The following EP400 variants were observed in gnomAD, a reference collection of about 807,000 sequenced individuals.
The protein encoded by EP400 is E1A binding protein p400, also known as E1A-binding protein p400.
In EP400, 105 loss-of-function variants were observed where a neutral mutation model predicts 354.1. The observed-to-expected ratio is 0.30, with a 90% CI of 0.25 to 0.35. The LOEUF is 0.35. Among genes scored for constraint, EP400 ranks in the 10% least tolerant of loss-of-function variants. The probability of loss-of-function intolerance (pLI) is 1.00; values close to 1 mark genes in which losing one functional copy is unlikely to be tolerated. For synonymous variants in EP400, 1,646 were observed against 1,716.9 expected (o/e 0.96, Z 1.02); for missense variants, 3,280 against 4,121.0 (o/e 0.80, Z 5.59).
At position 132,013,399 on chromosome 12, in the gene EP400, G is replaced by T. The variant is rs1893827024; in HGVS notation, c.3612-91G>T. The T allele has an allele frequency of 6.8e-7, 1 of 1,475,800 alleles. No individual in the cohort carries two copies. 91.4% of individuals were successfully genotyped at this position (1,475,800 alleles called of 1,614,324 possible). On this transcript the variant is annotated intron_variant, in intron 17 of 52. Coordinates refer to ENST00000389561, the MANE Select transcript of EP400 (RefSeq NM_015409.5). This position sits in a 1 kb window ranked among gnomAD's most constrained non-coding sequence, Gnocchi z 4.5. ...TTGACATTTGCGGTGTCAAATTACT[G>T]TCCCTTTTCTCACACATTGTCAGAG... is the stretch of plus-strand genomic sequence containing the variant.
intron 15 of EP400, among the ~76,000 whole-genome samples, chr12:132,010,985 A>G (rs1284990202): frequency 5.3e-5 from 8 of 152,210 alleles, no homozygotes; most frequent in African/African-American, 1.9e-4. Context: ...GAAATTTGAA[A>G]CAACATATTT....
Position 132,013,558 on chromosome 12 carries a change from A to G in EP400, c.3680A>G (p.His1227Arg), listed in dbSNP as rs1893832080. 1 of 1,613,070 alleles carries G rather than the reference A, an allele frequency of 6.2e-7. No homozygotes were observed. Among genetic ancestry groups the G allele is most frequent in the Admixed American group, 1.7e-5 (1 of 59,824 alleles). Residue 1227 changes from histidine to arginine, a missense_variant, in exon 18 of 53, where the codon CAC (histidine) becomes CGC (arginine). Around this residue, in one of 20 missense-constraint regions of EP400, gnomAD observed 242 missense variants for 357.9 expected, o/e 0.68. Transcript: ENST00000389561. The surrounding 1 kb of genome is among the most constrained non-coding windows in gnomAD (Gnocchi z 4.5). Reference protein sequence around the residue: ...NTFLELWTMVHFLVPGISRPY... With the variant: ...NTFLELWTMVRFLVPGISRPY... ...TTCCTGGAGCTCTGGACCATGGTGC[A>G]CTTCCTGGTCCCAGGGATCTCCAGG...
intron 2 of EP400, among the ~76,000 whole-genome samples, chr12:131,973,659 A>T (rs956935240): frequency 2.0e-5 from 3 of 152,190 alleles, no homozygotes; most frequent in Non-Finnish European, 4.4e-5. Flanking sequence ...AATAAGACAG[A>T]GTTTCAGGAT....
At chr12:132,056,643 A>G (rs1021119075) in intron 45 of EP400, among the ~76,000 whole-genome samples, 6 of 152,208 alleles carry the variant, frequency 3.9e-5, no homozygotes, top group Admixed American at 1.3e-4. Flanking sequence ...CTGTAAGCCA[A>G]AACAGTAGCA....
chr12:132,066,676 TA>T, intron 48 of EP400, 97 bp from the exon 49 acceptor site: 1 of 1,293,386 alleles, frequency 7.7e-7, no homozygotes, highest in Non-Finnish European at 1.1e-6. Flanking sequence ...TTGATCTTTG[TA>T]AATTTTCTCA....
intron 30 of EP400, among the ~76,000 whole-genome samples, chr12:132,034,072 C>CT (rs969159965): frequency 4.6e-5 from 7 of 151,936 alleles, no homozygotes; most frequent in African/African-American, 1.4e-4. Flanking sequence ...CTTTTGTAAA[C>CT]TTTTTTTTTC....
chr12:132,034,358 C>A (rs1284016703), intron 30 of EP400, among the ~76,000 whole-genome samples: 1 of 152,196 alleles, frequency 6.6e-6, no homozygotes, highest in African/African-American at 2.4e-5. Context: ...ACACTTTGTT[C>A]TCGAGTGGGT....
At chr12:132,019,865 C>T (rs896735883) in intron 21 of EP400, among the ~76,000 whole-genome samples, 184 bp from the exon 22 acceptor site, 1 of 152,136 alleles carries the variant, frequency 6.6e-6, no homozygotes, top group Non-Finnish European at 1.5e-5. Context: ...CGCCCGGGCC[C>T]GGGGTGAGCT....
At chr12:132,009,830 ATT>A (rs35513772) in intron 15 of EP400, among the ~76,000 whole-genome samples, 8 of 79,720 alleles carry the variant, frequency 1.0e-4, no homozygotes, top group African/African-American at 1.9e-4. Context: ...CGCCTGGCTA[ATT>A]TTTTTTTTTT....
chr12:132,014,839 C>T (rs1052644708), intron 19 of EP400, among the ~76,000 whole-genome samples: 2 of 152,184 alleles, frequency 1.3e-5, no homozygotes, highest in African/African-American at 4.8e-5. Flanking sequence ...GCCAGGTGAT[C>T]GTATGAGTGC....
chr12:131,973,463 A>G (rs759926039), intron 2 of EP400, among the ~76,000 whole-genome samples: 1 of 152,138 alleles, frequency 6.6e-6, no homozygotes, highest in African/African-American at 2.4e-5. Flanking sequence ...CCAACATGGC[A>G]AAACCCCATC....
chr12:132,001,989 T>C (rs1893432185), intron 12 of EP400, among the ~76,000 whole-genome samples: 1 of 152,244 alleles, frequency 6.6e-6, no homozygotes, highest in Non-Finnish European at 1.5e-5. Flanking sequence ...GCCCTCGGTC[T>C]CTTGCCTCGG....
At chr12:131,960,089 G>A (rs981260040) in intron 1 of EP400, among the ~76,000 whole-genome samples, 1 of 152,226 alleles carries the variant, frequency 6.6e-6, no homozygotes, top group African/African-American at 2.4e-5. Flanking sequence ...TGGGAGCAGG[G>A]AGTTGTCCCT....
chr12:132,060,743 C>T (rs1449588667), intron 45 of EP400, among the ~76,000 whole-genome samples: 1 of 151,980 alleles, frequency 6.6e-6, no homozygotes, highest in African/African-American at 2.4e-5. Flanking sequence ...GGAGAAACCC[C>T]ATCTCTACCA....
chr12:131,958,807 C>T (rs567225154), intron 1 of EP400, among the ~76,000 whole-genome samples: 1 of 152,334 alleles, frequency 6.6e-6, no homozygotes, highest in African/African-American at 2.4e-5. Flanking sequence ...AGGTGTGAGC[C>T]ACCATGCCTG....
intron 50 of EP400, chr12:132,069,225 G>C (rs1433200467): frequency 2.3e-6 from 1 of 432,810 alleles, no homozygotes; most frequent in African/African-American, 2.0e-5. Context: ...CGACTATTCA[G>C]GGAGCAGTGT....
rs1365597120 is a variant in EP400 at position 132,029,622 on chromosome 12, C to G, written c.5382-79C>G. 18 of 1,473,460 alleles carry G rather than the reference C, an allele frequency of 1.2e-5. No individual in the cohort carries two copies. The highest frequency in any genetic ancestry group is 2.8e-5 in the African/African-American group (2 of 71,898). The allele number at this position is 1,473,460 out of a possible 1,614,324, so 91.3% of individuals were successfully genotyped here. A position where few individuals can be genotyped will look rare whatever the true frequency, so the allele number is the denominator to read the frequency against. On this transcript the variant is annotated intron_variant, in intron 27 of 52. Coordinates refer to ENST00000389561, the MANE Select transcript of EP400 (RefSeq NM_015409.5). This position sits in a 1 kb window ranked among gnomAD's most constrained non-coding sequence, Gnocchi z 4.7. Reference sequence around the variant, plus strand: ...TGGGACTTGGACTGTCAGAAGTCTGCCCCATCTTTCAGGAGCCCCCATGCT... The same window carrying G: ...TGGGACTTGGACTGTCAGAAGTCTGGCCCATCTTTCAGGAGCCCCCATGCT...
At chr12:132,046,632 C>T (rs1317674671) in intron 39 of EP400, among the ~76,000 whole-genome samples, 3 of 152,176 alleles carry the variant, frequency 2.0e-5, no homozygotes, top group Non-Finnish European at 2.9e-5. Flanking sequence ...GCTTGACCCC[C>T]GAAGAGTCCA....
In EP400 at chr12:132,076,706, A is replaced by C; in HGVS notation, c.9099+113A>C. On this transcript the variant is annotated intron_variant, in intron 52 of 52. Transcript: ENST00000389561. ...TTTTGATTTTTGTGATACACACAAAAACATTAACTTCAGGGGAAAAACTAG... is the reference window on the plus strand; with the variant it reads ...TTTTGATTTTTGTGATACACACAAACACATTAACTTCAGGGGAAAAACTAG... The C allele has an allele frequency of 5.3e-6, 5 of 946,778 alleles. No individual in the cohort carries two copies. In the South Asian group the frequency reaches 8.6e-5, roughly 16 times the overall value. 58.6% of individuals were successfully genotyped at this position (946,778 alleles called of 1,614,324 possible). A position where few individuals can be genotyped will look rare whatever the true frequency, so the allele number is the denominator to read the frequency against.
Sources: gnomAD v4.1 joint callset for allele counts (sites outside exome capture counted in the v4.1 genomes callset) on GRCh38, gnomAD v4.1.1 for gene constraint, gnomAD v4.1.1 regional missense constraint, Gnocchi (gnomAD v3.1) non-coding constraint, MANE v1.5 for transcripts, NCBI Gene and HGNC (gene_info 2026-07-23, HGNC 2026-07-21) for gene names.